CCDC197: variants seen among roughly 807,000 people sequenced by gnomAD.
The protein encoded by CCDC197 is uncharacterized protein CCDC197.
In CCDC197, 24 loss-of-function variants were observed where a neutral mutation model predicts 13.4. That is an observed-to-expected ratio of 1.80 (90% CI 1.30 to 2.53). The LOEUF (loss-of-function observed/expected upper bound fraction) is 2.53. Among genes scored for constraint, CCDC197 ranks in the 30% most tolerant of loss-of-function variants. The probability of loss-of-function intolerance (pLI) is 0.00; values close to 1 mark genes in which losing one functional copy is unlikely to be tolerated. For missense variants in CCDC197, 255 were observed against 148.8 expected (o/e 1.71, Z -3.71); for synonymous variants, 99 against 55.5 (o/e 1.78, Z -3.48).
At chr14:94,001,550 G>A (rs544105971) in intron 4 of CCDC197, 1 of 456,416 alleles carries the variant, frequency 2.2e-6, no homozygotes, top group Admixed American at 4.1e-5. Context: ...TGGTAGAAAA[G>A]CCATGTGTCC....
chr14:94,011,487 G>A (rs1267970739), downstream of CCDC197, among the ~76,000 whole-genome samples: 1 of 152,224 alleles, frequency 6.6e-6, no homozygotes, highest in Non-Finnish European at 1.5e-5. Context: ...AATTGGACAC[G>A]GCATTGCGCT....
chr14:94,004,495 C>G (rs550261339), intron 5 of CCDC197, among the ~76,000 whole-genome samples: 3 of 152,116 alleles, frequency 2.0e-5, no homozygotes, highest in Non-Finnish European at 4.4e-5. Flanking sequence ...TTTGAGGTCT[C>G]TCTCTCTAAG....
intron 1 of CCDC197, among the ~76,000 whole-genome samples, chr14:93,987,781 A>G (rs144412349): frequency 0.031 from 4,689 of 152,134 alleles, 87 homozygotes; most frequent in Non-Finnish European, 0.038. Flanking sequence ...GCTGCAGGAG[A>G]CGAGTGCCCA....
At chr14:94,009,013 G>A (rs1890764558), downstream of CCDC197, 3 of 541,458 alleles carry the variant, frequency 5.5e-6, no homozygotes, top group East Asian at 8.5e-5. Context: ...AGGCCTGCCT[G>A]GGATCCGGGA....
intron 3 of CCDC197, among the ~76,000 whole-genome samples, chr14:94,000,578 G>T (rs1400249500): frequency 2.6e-5 from 4 of 152,070 alleles, no homozygotes; most frequent in Admixed American, 6.5e-5. Flanking sequence ...GGTGGGTTTA[G>T]GGGTGGTGAG....
chr14:93,992,353 G>A (rs1299669853), upstream of CCDC197, among the ~76,000 whole-genome samples: 1 of 152,158 alleles, frequency 6.6e-6, no homozygotes, highest in Non-Finnish European at 1.5e-5. Context: ...CAGCCTTGCC[G>A]GGCCAACCCC....
chr14:94,011,406 G>C (rs1009369040), downstream of CCDC197, among the ~76,000 whole-genome samples: 1 of 152,366 alleles, frequency 6.6e-6, no homozygotes, highest in African/African-American at 2.4e-5. Context: ...CTGGCCACCA[G>C]TCGACATTTG....
In CCDC197 at chr14:94,003,474, C is replaced by A. The variant is rs1890593361; in HGVS notation, c.498+120C>A. On this transcript the variant is annotated intron_variant, in intron 5 of 6. Coordinates refer to ENST00000636493, the MANE Select transcript of CCDC197 (RefSeq NM_001351596.2). This position sits in a 1 kb window ranked among gnomAD's most constrained non-coding sequence, Gnocchi z 5.0. The stretch of plus-strand genomic sequence containing the variant: ...GCACGCAGACACACACACACAGAGC[C>A]AGACACATAGACACACAGGCACACA... The A allele has an allele frequency of 4.7e-6, 3 of 635,414 alleles. No homozygotes were observed. The Admixed American group carries it at 6.7e-5, about 14-fold the overall frequency. The allele number at this position is 635,414 out of a possible 1,614,324, so 39.4% of individuals were successfully genotyped here.
chr14:94,002,057 G>A (rs1169883487), intron 4 of CCDC197, among the ~76,000 whole-genome samples: 4 of 152,204 alleles, frequency 2.6e-5, no homozygotes, highest in Admixed American at 6.5e-5. Flanking sequence ...CACTTTACAT[G>A]CTTTATCTCA....
chr14:93,998,625 G>A (rs1890396114), intron 2 of CCDC197, among the ~76,000 whole-genome samples: 2 of 152,200 alleles, frequency 1.3e-5, no homozygotes, highest in Admixed American at 1.3e-4. Context: ...AGGTTGGGGA[G>A]ATAAGACATT....
intron 1 of CCDC197, among the ~76,000 whole-genome samples, chr14:93,992,182 C>T (rs1200949461): frequency 2.6e-5 from 4 of 152,176 alleles, no homozygotes; most frequent in Admixed American, 1.3e-4. Context: ...ATCTGGTTTT[C>T]GCTTTAAGAC....
intron 6 of CCDC197, chr14:94,007,659 G>C (rs1890722816): frequency 6.6e-6 from 1 of 152,158 alleles, no homozygotes; most frequent in Non-Finnish European, 1.5e-5. Flanking sequence ...TTTCAGGCAT[G>C]GTGTGATCCT....
intron 6 of CCDC197, chr14:94,007,180 T>C (rs1039833777): frequency 1.3e-5 from 2 of 152,234 alleles, no homozygotes; most frequent in South Asian, 4.1e-4. Flanking sequence ...TTAGGAGTCA[T>C]ATCTAAAAAG....
upstream of CCDC197, among the ~76,000 whole-genome samples, chr14:93,996,104 C>T (rs1363744493): frequency 1.3e-5 from 2 of 152,166 alleles, no homozygotes; most frequent in Non-Finnish European, 2.9e-5. Context: ...CTGGGGGACT[C>T]CCCCACCCCT....
intron 1 of CCDC197, among the ~76,000 whole-genome samples, chr14:93,989,490 GT>G (rs982452446): frequency 6.6e-6 from 1 of 152,166 alleles, no homozygotes; most frequent in Non-Finnish European, 1.5e-5. Context: ...GGCATGCTCA[GT>G]GGGGCACATG....
intron 6 of CCDC197, 77 bp downstream of exon 6, chr14:94,005,048 G>T (rs1890642197): frequency 1.5e-6 from 1 of 653,964 alleles, no homozygotes. Flanking sequence ...CTGCTCCTTA[G>T]CCCAGGCTGC....
intron 3 of CCDC197, 195 bp from the exon 4 acceptor site, chr14:94,000,950 T>G (rs1567042960): frequency 7.1e-6 from 2 of 280,546 alleles, no homozygotes; most frequent in South Asian, 6.0e-5. Context: ...TCCCTTGAAG[T>G]GGAGGGGGCG....
At chr14:94,010,335 C>G (rs957059735), downstream of CCDC197, among the ~76,000 whole-genome samples, 1 of 152,208 alleles carries the variant, frequency 6.6e-6, no homozygotes, top group African/African-American at 2.4e-5. Context: ...TCCCAAGTAA[C>G]TGGGACTACA....
chr14:94,008,855 T>A lies in CCDC197; in HGVS notation c.*43T>A, dbSNP rs1041539903. The stretch of plus-strand genomic sequence containing the variant: ...GGCCCCATGGCATCACGACCTCTCC[T>A]TACCTGCCTGCCTCCTTTTCTCACC... On this transcript the variant is annotated 3_prime_UTR_variant, in exon 7 of 7. Coordinates refer to ENST00000636493, the MANE Select transcript of CCDC197 (RefSeq NM_001351596.2). 3.0e-6 allele frequency: 2 copies of A among 670,958 alleles called. No individual in the cohort carries two copies. Among genetic ancestry groups the A allele is most frequent in the Non-Finnish European group, 5.5e-6 (2 of 364,754 alleles). The allele number at this position is 670,958 out of a possible 1,614,324, so 41.6% of individuals were successfully genotyped here.
Sources: allele counts gnomAD v4.1 joint callset (sites outside exome capture counted in the v4.1 genomes callset), GRCh38; gene constraint gnomAD v4.1.1; non-coding constraint Gnocchi (gnomAD v3.1); transcripts MANE v1.5; gene names NCBI Gene and HGNC (gene_info 2026-07-23, HGNC 2026-07-21).